SNUPN: variants seen among roughly 807,000 people sequenced by gnomAD.
The protein encoded by SNUPN is snurportin 1.
In SNUPN, 31 loss-of-function variants were observed where a neutral mutation model predicts 39.2. The ratio of observed to expected loss-of-function variants is 0.79; its 90% confidence interval spans 0.59 to 1.07. The LOEUF (loss-of-function observed/expected upper bound fraction) is 1.07, where lower values mean the gene tolerates loss of function less well. Among genes scored for constraint, SNUPN ranks in the 50% least tolerant of loss-of-function variants. SNUPN has a pLI of 0.00. For synonymous variants in SNUPN, 132 were observed against 159.0 expected (o/e 0.83, Z 1.28); for missense variants, 382 against 434.2 (o/e 0.88, Z 1.07).
intron 3 of SNUPN, among the ~76,000 whole-genome samples, chr15:75,616,664 G>A (rs1283149845): frequency 6.6e-6 from 1 of 152,146 alleles, no homozygotes; most frequent in African/African-American, 2.4e-5. Flanking sequence ...ACAAGTATAT[G>A]ATAGCAGGGT....
intron 1 of SNUPN, among the ~76,000 whole-genome samples, chr15:75,623,384 C>T (rs1409016498): frequency 1.3e-5 from 2 of 151,242 alleles, no homozygotes; most frequent in African/African-American, 4.8e-5. Flanking sequence ...CTCCCGACCT[C>T]CTGATCTGCC....
chr15:75,602,463 T>C (rs1595981525), intron 7 of SNUPN, among the ~76,000 whole-genome samples: 2 of 150,504 alleles, frequency 1.3e-5, no homozygotes, highest in African/African-American at 2.4e-5. Context: ...GAGGCGGAGG[T>C]TGCAGTGAGC....
At chr15:75,603,460 C>G (rs1449119566) in intron 7 of SNUPN, among the ~76,000 whole-genome samples, 1 of 149,320 alleles carries the variant, frequency 6.7e-6, no homozygotes, top group Non-Finnish European at 1.5e-5. Flanking sequence ...AGGAGATCGA[C>G]ACCATCCTTG....
chr15:75,607,149 GC>G (rs1004572344), intron 6 of SNUPN, 66 bp downstream of exon 6: 1 of 1,158,638 alleles, frequency 8.6e-7, no homozygotes, highest in Non-Finnish European at 1.3e-6. Context: ...AAACCCACAT[GC>G]TGAGCCGCTT....
chr15:75,625,731 G>A (rs28372916), upstream of SNUPN: 24,762 of 152,170 alleles, frequency 0.16, 2,719 homozygotes, highest in Non-Finnish European at 0.24. Context: ...GCCCTGGGAA[G>A]CTAGGTCCGC....
At chr15:75,616,031 A>G (rs1342777036) in intron 3 of SNUPN, among the ~76,000 whole-genome samples, 1 of 152,168 alleles carries the variant, frequency 6.6e-6, no homozygotes, top group Non-Finnish European at 1.5e-5. Flanking sequence ...AGGTCTTTCA[A>G]TAATGCTTAC....
rs749470044 is a variant in SNUPN at position 75,607,302 on chromosome 15, G to A, written c.514C>T (p.Leu172=). 6.2e-6 allele frequency: 10 copies of A among 1,609,726 alleles called. No individual in the cohort carries two copies. Among genetic ancestry groups the A allele is most frequent in the Non-Finnish European group, 7.7e-6 (9 of 1,176,144 alleles). ...TTTACCTCATTGTAAATGCAATCTA[G>A]AATGGTGTAGTCTGAGGACACAAAG... ...RNSTAKDYTI[L]DCIYNEVNQT... Residue 172 remains leucine, a synonymous_variant, in exon 6 of 9, where the codon CTA becomes TTA. Coordinates refer to ENST00000308588, the MANE Select transcript of SNUPN (RefSeq NM_005701.4).
At chr15:75,611,319 C>T (rs2141370079) in intron 3 of SNUPN, among the ~76,000 whole-genome samples, 1 of 150,376 alleles carries the variant, frequency 6.6e-6, no homozygotes, top group African/African-American at 2.4e-5. Context: ...GTGGCGCTAT[C>T]TCAGCTCACT....
chr15:75,603,386 G>A (rs2075306055), intron 7 of SNUPN, among the ~76,000 whole-genome samples: 1 of 150,600 alleles, frequency 6.6e-6, no homozygotes, highest in African/African-American at 2.4e-5. Flanking sequence ...ACTGGGCCGG[G>A]TGCAGTGGAT....
chr15:75,613,214 G>A lies in SNUPN; in HGVS notation c.304-3220C>T, dbSNP rs192093924. ...GCGGAGCTTGTAGTGAGCCAAGATCGCGTCACTGCACTCCAGCCTGGGCGA... is the reference window on the plus strand; with the variant it reads ...GCGGAGCTTGTAGTGAGCCAAGATCACGTCACTGCACTCCAGCCTGGGCGA... On this transcript the variant is annotated intron_variant, in intron 3 of 8. Coordinates refer to ENST00000308588, the MANE Select transcript of SNUPN (RefSeq NM_005701.4). Among the ~76,000 whole-genome samples the A allele has an allele frequency of 1.8e-3, 246 of 135,814 alleles. 1 individual carries two copies. Among genetic ancestry groups the A allele is most frequent in the Middle Eastern group, 8.5e-3 (2 of 236 alleles). The allele number at this position is 135,814 out of a possible 152,430, so 89.1% of individuals were successfully genotyped here. A position where few individuals can be genotyped will look rare whatever the true frequency, so the allele number is the denominator to read the frequency against.
At position 75,621,070 on chromosome 15, in the gene SNUPN, CG is replaced by C; in HGVS notation, c.-5-15del. 6.2e-7 allele frequency: 1 copy of C among 1,613,176 alleles called. No individual in the cohort carries two copies. The highest frequency in any genetic ancestry group is 2.2e-5 in the East Asian group (1 of 44,868). On this transcript the variant is annotated splice_polypyrimidine_tract_variant and intron_variant, in intron 1 of 8. Coordinates refer to ENST00000308588, the MANE Select transcript of SNUPN (RefSeq NM_005701.4). ...CTTCCATCTTCCCTACAAAGGAAAACGTAAGAAAATGGTTCATTCATTTCAT... is the reference window on the plus strand; with the variant it reads ...CTTCCATCTTCCCTACAAAGGAAAACTAAGAAAATGGTTCATTCATTTCAT...
chr15:75,617,071 T>TA (rs1178525795), intron 3 of SNUPN, among the ~76,000 whole-genome samples: 2 of 152,086 alleles, frequency 1.3e-5, no homozygotes, highest in Admixed American at 6.6e-5. Context: ...CAGTGACAAC[T>TA]AAAAAAAATG....
At chr15:75,618,827 C>T (rs1595988477) in intron 2 of SNUPN, among the ~76,000 whole-genome samples, 2 of 152,046 alleles carry the variant, frequency 1.3e-5, no homozygotes, top group Non-Finnish European at 2.9e-5. Flanking sequence ...TGTTTGTAAT[C>T]ACAAGAGAAG....
chr15:75,598,210 T>G lies in SNUPN; in HGVS notation c.*148A>C. The stretch of plus-strand genomic sequence containing the variant: ...TCCCCATAACTGTTTGAGCCAGCAT[T>G]TCAGATTATAGATAAGCTGTTTCCA... On this transcript the variant is annotated 3_prime_UTR_variant, in exon 9 of 9. Coordinates refer to ENST00000308588, the MANE Select transcript of SNUPN (RefSeq NM_005701.4). 3.1e-6 allele frequency: 2 copies of G among 639,358 alleles called. No individual in the cohort carries two copies. Among genetic ancestry groups the G allele is most frequent in the Non-Finnish European group, 5.3e-6 (2 of 374,822 alleles). 39.6% of individuals were successfully genotyped at this position (639,358 alleles called of 1,614,324 possible).
chr15:75,621,078 A>T (rs1163228902), intron 1 of SNUPN, 22 bp from the exon 2 acceptor site: 11 of 1,612,842 alleles, frequency 6.8e-6, no homozygotes, highest in Non-Finnish European at 9.3e-6. Flanking sequence ...AACGTAAGAA[A>T]ATGGTTCATT....
At chr15:75,623,014 A>C (rs1893111894) in intron 1 of SNUPN, among the ~76,000 whole-genome samples, 1 of 152,192 alleles carries the variant, frequency 6.6e-6, no homozygotes, top group African/African-American at 2.4e-5. Context: ...ACATATCATG[A>C]AATTCATCAT....
chr15:75,600,034 C>T (rs1205360240), intron 8 of SNUPN, among the ~76,000 whole-genome samples: 2 of 151,680 alleles, frequency 1.3e-5, no homozygotes, highest in Non-Finnish European at 2.9e-5. Flanking sequence ...TTAGTAGAGC[C>T]GGGGTTTCAC....
At chr15:75,617,285 A>G (rs1458917520) in intron 3 of SNUPN, 123 bp downstream of exon 3, 5 of 990,942 alleles carry the variant, frequency 5.0e-6, no homozygotes, top group Non-Finnish European at 7.6e-6. Context: ...TGTTCTTTGC[A>G]GTTCCTATTC....
chr15:75,599,695 A>G (rs1160072304), intron 8 of SNUPN, among the ~76,000 whole-genome samples: 1 of 152,234 alleles, frequency 6.6e-6, no homozygotes, highest in East Asian at 1.9e-4. Context: ...GGTTATAAAT[A>G]AAGATGGTAT....
Sources: gnomAD v4.1 joint callset for allele counts (sites outside exome capture counted in the v4.1 genomes callset) on GRCh38, gnomAD v4.1.1 for gene constraint, MANE v1.5 for transcripts, NCBI Gene and HGNC (gene_info 2026-07-23, HGNC 2026-07-21) for gene names.